Variants in DCLK1 observed in about 807,000 individuals in gnomAD.
DCLK1 encodes the protein serine/threonine-protein kinase DCLK1.
DCLK1 carries 16 observed loss-of-function variants against 86.2 expected under a neutral mutation model. The observed-to-expected ratio is 0.19, with a 90% CI of 0.13 to 0.28. DCLK1 has a LOEUF of 0.28. DCLK1 is among the 10% of genes least tolerant of loss of function. The pLI, the probability that DCLK1 is intolerant of heterozygous loss-of-function variation, is 1.00. For missense variants in DCLK1, 590 were observed against 940.2 expected, an observed-to-expected ratio of 0.63 and a Z score of 4.87; for synonymous variants, 369 against 370.5, an observed-to-expected ratio of 1.00 and a Z score of 0.05.
intron 3 of DCLK1, among the ~76,000 whole-genome samples, chr13:36,012,129 G>A (rs1290141547): frequency 3.2e-4 from 44 of 138,704 alleles, no homozygotes; most frequent in South Asian, 1.1e-3. Context: ...GTCTCTGCAC[G>A]TGAGATGGGT....
At chr13:36,067,918 A>G (rs953093409) in intron 3 of DCLK1, among the ~76,000 whole-genome samples, 3 of 152,208 alleles carry the variant, frequency 2.0e-5, no homozygotes, top group African/African-American at 7.2e-5. Flanking sequence ...GATGTTTTAT[A>G]GGGGACATCT....
chr13:36,036,750 C>G (rs778194430), intron 3 of DCLK1, among the ~76,000 whole-genome samples: 1 of 151,934 alleles, frequency 6.6e-6, no homozygotes, highest in Admixed American at 6.6e-5. Flanking sequence ...ATGAATAATA[C>G]GTTAATTTTG....
intron 2 of DCLK1, among the ~76,000 whole-genome samples, chr13:36,120,990 C>T (rs1885968986): frequency 6.6e-6 from 1 of 152,120 alleles, no homozygotes; most frequent in Non-Finnish European, 1.5e-5. Context: ...TACCTCTCTA[C>T]CCAACAATAT....
intron 15 of DCLK1, among the ~76,000 whole-genome samples, chr13:35,794,285 G>C (rs572650863): frequency 4.6e-5 from 7 of 152,318 alleles, no homozygotes; most frequent in Admixed American, 4.6e-4. Flanking sequence ...CCAGGTCTTA[G>C]CATAGTGCCT....
At chr13:35,847,372 T>C in intron 6 of DCLK1, 1 of 985,170 alleles carries the variant, frequency 1.0e-6, no homozygotes, top group Non-Finnish European at 1.2e-6. Context: ...TAAGGCTGTA[T>C]CACAAATACT....
chr13:35,929,645 G>C (rs1342206533), intron 4 of DCLK1, among the ~76,000 whole-genome samples: 1 of 152,182 alleles, frequency 6.6e-6, no homozygotes, highest in East Asian at 1.9e-4. Flanking sequence ...AAGCAAACAT[G>C]TATGGATTCT....
At chr13:35,846,307 T>C (rs1870173019) in intron 6 of DCLK1, 1 of 985,318 alleles carries the variant, frequency 1.0e-6, no homozygotes, top group Non-Finnish European at 1.2e-6. Context: ...ACTCAATTCC[T>C]TGCTTACTGA....
In DCLK1 at chr13:35,769,772, C is replaced by T. The variant is rs1012325292; in HGVS notation, c.*4763G>A. 6.6e-6 allele frequency: 1 copy of T among 152,140 alleles called. No homozygotes were observed. The highest frequency in any genetic ancestry group is 1.5e-5 in the Non-Finnish European group (1 of 68,028). The allele number at this position is 152,140 out of a possible 1,614,324, so 9.4% of individuals were successfully genotyped here. ...AATATTCAATTTTACATTAAAGCAA[C>T]ATTAAGGGTCTCAATTTCATTGAAC... is the stretch of plus-strand genomic sequence containing the variant. On this transcript the variant is annotated 3_prime_UTR_variant, in exon 17 of 17. Coordinates refer to ENST00000360631, the MANE Select transcript of DCLK1 (RefSeq NM_001330071.2).
At chr13:35,903,782 C>T (rs1247429309) in intron 4 of DCLK1, among the ~76,000 whole-genome samples, 1 of 152,074 alleles carries the variant, frequency 6.6e-6, no homozygotes, top group East Asian at 1.9e-4. Flanking sequence ...CTAAAAACCA[C>T]AGACCAACAT....
At chr13:35,821,306 T>A (rs1276743059) in intron 11 of DCLK1, among the ~76,000 whole-genome samples, 4 of 152,184 alleles carry the variant, frequency 2.6e-5, no homozygotes, top group Non-Finnish European at 4.4e-5. Context: ...TACTAGCTTT[T>A]ATTTGTGTCA....
At chr13:36,014,441 T>G (rs560633920) in intron 3 of DCLK1, among the ~76,000 whole-genome samples, 22 of 150,664 alleles carry the variant, frequency 1.5e-4, no homozygotes, top group African/African-American at 3.4e-4. Context: ...ATAAAAACTG[T>G]TTTTTTTTAC....
chr13:36,070,808 A>AT (rs1172181088), intron 3 of DCLK1, among the ~76,000 whole-genome samples: 2 of 151,824 alleles, frequency 1.3e-5, no homozygotes, highest in South Asian at 2.1e-4. Context: ...CGTCCAGCTA[A>AT]TTTTTTGTAT....
At chr13:36,042,162 G>T (rs956417607) in intron 3 of DCLK1, among the ~76,000 whole-genome samples, 7 of 152,158 alleles carry the variant, frequency 4.6e-5, no homozygotes, top group African/African-American at 7.2e-5. Context: ...GGAATATTTG[G>T]CATCCTGTCC....
At chr13:35,942,399 T>C (rs113371868) in intron 4 of DCLK1, among the ~76,000 whole-genome samples, 2,635 of 152,212 alleles carry the variant, frequency 0.017, 66 homozygotes, top group African/African-American at 0.06. Flanking sequence ...ATCTCCTGAC[T>C]TCGTGATTCT....
chr13:35,879,226 T>C (rs913383316), intron 4 of DCLK1, among the ~76,000 whole-genome samples: 26 of 152,162 alleles, frequency 1.7e-4, no homozygotes, highest in Admixed American at 1.7e-3. Context: ...CTTCTAAAAA[T>C]ACAGGGAGGT....
intron 6 of DCLK1, chr13:35,847,623 AAAAGAAAGAAAGAAAGAAAG>A (rs6145000): frequency 1.7e-5 from 11 of 651,168 alleles, no homozygotes; most frequent in Non-Finnish European, 2.1e-5. Flanking sequence ...TTAAGCAAAA[AAAAGAAAGAAAGAAAGAAAG>A]AAAGAAAGAA....
At chr13:36,089,311 A>G (rs1362691394) in intron 3 of DCLK1, among the ~76,000 whole-genome samples, 1 of 152,210 alleles carries the variant, frequency 6.6e-6, no homozygotes, top group African/African-American at 2.4e-5. Context: ...AACCCAGGAG[A>G]AACAGGCCAG....
At chr13:35,947,850 T>C (rs8000458) in intron 3 of DCLK1, among the ~76,000 whole-genome samples, 137,587 of 152,268 alleles carry the variant, frequency 0.9, 62,275 homozygotes, top group East Asian at 0.98. Context: ...TAATTGATGC[T>C]GTCATATACA....
At chr13:35,959,872 T>C (rs1878360315) in intron 3 of DCLK1, among the ~76,000 whole-genome samples, 1 of 151,768 alleles carries the variant, frequency 6.6e-6, no homozygotes, top group Admixed American at 6.6e-5. Flanking sequence ...TGTGTGTGTG[T>C]GTGTGTGTGT....
Sources: gnomAD v4.1 joint callset for allele counts (sites outside exome capture counted in the v4.1 genomes callset) on GRCh38, gnomAD v4.1.1 for gene constraint, MANE v1.5 for transcripts, NCBI Gene and HGNC (gene_info 2026-07-23, HGNC 2026-07-21) for gene names.